SLC36A3: variants seen among roughly 807,000 people sequenced by gnomAD.
SLC36A3 encodes the protein proton-coupled amino acid transporter 3.
In SLC36A3, 35 loss-of-function variants were observed where a neutral mutation model predicts 44.3. That is an observed-to-expected ratio of 0.79 (90% CI 0.60 to 1.05). The LOEUF (loss-of-function observed/expected upper bound fraction) is 1.05, where lower values mean the gene tolerates loss of function less well. SLC36A3 is among the 50% of genes least tolerant of loss of function. SLC36A3 has a pLI of 0.00. For synonymous variants in SLC36A3, 211 were observed against 227.6 expected (o/e 0.93, Z 0.66); for missense variants, 540 against 578.7 (o/e 0.93, Z 0.69).
At chr5:151,297,572 G>C (rs1193447086) in intron 2 of SLC36A3, 1 of 152,262 alleles carries the variant, frequency 6.6e-6, no homozygotes, top group South Asian at 2.1e-4. Flanking sequence ...CTGTGTGCCA[G>C]TCCCTACAGA....
chr5:151,299,394 T>TATATTA (rs58121505), intron 1 of SLC36A3, among the ~76,000 whole-genome samples: 2 of 133,014 alleles, frequency 1.5e-5, no homozygotes, highest in African/African-American at 5.5e-5. Flanking sequence ...TATATATATA[T>TATATTA]TATATATATA....
In SLC36A3 at chr5:151,303,562, C is replaced by T. The variant is rs747113919; in HGVS notation, c.-208G>A. 2.0e-6 allele frequency: 1 copy of T among 493,972 alleles called. No homozygotes were observed. The highest frequency in any genetic ancestry group is 3.6e-5 in the Admixed American group (1 of 27,824). The allele number at this position is 493,972 out of a possible 1,614,324, so 30.6% of individuals were successfully genotyped here. On this transcript the variant is annotated 5_prime_UTR_variant, in exon 1 of 10. Transcript: ENST00000335230. ...CTGATGTTGATGATGCCTCACCTGG[C>T]TCTTGGGGGACTTATGAAAGACCCA...
chr5:151,285,044 C>G (rs1377979212), intron 6 of SLC36A3, among the ~76,000 whole-genome samples: 2 of 152,140 alleles, frequency 1.3e-5, no homozygotes, highest in Non-Finnish European at 2.9e-5. Context: ...AATAATAACG[C>G]CCCACTACCC....
Position 151,288,953 on chromosome 5 carries a change from G to A in SLC36A3, c.405-483C>T, listed in dbSNP as rs866145077. ...AGGCACCTGTAAATCCCAGCTACTC[G>A]GGAGGCTTGGGCAGGAGAATTGCTT... On this transcript the variant is annotated intron_variant, in intron 4 of 9. Coordinates refer to ENST00000335230, the MANE Select transcript of SLC36A3 (RefSeq NM_181774.4). The A allele has an allele frequency of 1.4e-4, 21 of 153,048 alleles. No homozygotes were observed. In the Middle Eastern group the frequency reaches 4.8e-3, roughly 35 times the overall value. The allele number at this position is 153,048 out of a possible 1,614,324, so 9.5% of individuals were successfully genotyped here.
rs1240385500 is a variant in SLC36A3, at chr5:151,287,402, G to A, written c.552C>T (p.Thr184=). Residue 184 remains threonine (T), a synonymous_variant, in exon 6 of 10, where the codon ACC becomes ACT. Transcript: ENST00000335230. ...TGTAGAAACGAATGTCCAGGATGGG[G>A]GTCAGCGTCAGAATCTCCCTGGGCT... ...ICQPREILTL[T]PILDIRFYML... The A allele has an allele frequency of 1.9e-6, 3 of 1,614,040 alleles. No homozygotes were observed. The highest frequency in any genetic ancestry group is 1.7e-5 in the Admixed American group (1 of 60,002).
In SLC36A3 at chr5:151,277,638, G is replaced by T. The variant is rs147738288; in HGVS notation, c.1168C>A (p.Arg390Ser). 6 of 1,613,950 alleles carry T rather than the reference G, an allele frequency of 3.7e-6. No homozygotes were observed. In the Admixed American group the frequency reaches 5.0e-5, roughly 13 times the overall value. The change falls in exon 10 of 10, where the codon CGC (arginine) becomes AGC (serine). Residue 390 changes from arginine (R) to serine (S), a missense_variant. By Grantham distance (110) the Arg-to-Ser change is moderately radical. Transcript: ENST00000335230. Reference sequence around the variant, plus strand: ...ACCAGGGAGATGACCAAGTCCAGGCGGGGGATGAGGATGGCTGAGACACCT... The same window carrying T: ...ACCAGGGAGATGACCAAGTCCAGGCTGGGGATGAGGATGGCTGAGACACCT... ...LTCVSAILIP[R>S]LDLVISLVGS... is the part of the protein sequence containing the mutation.
chr5:151,303,626 T>G lies in SLC36A3; in HGVS notation c.-272A>C. 1.1e-5 allele frequency: 4 copies of G among 355,384 alleles called. No individual in the cohort carries two copies. Among genetic ancestry groups the G allele is most frequent in the Non-Finnish European group, 2.1e-5 (4 of 195,054 alleles). The allele number at this position is 355,384 out of a possible 1,614,324, so 22.0% of individuals were successfully genotyped here. On this transcript the variant is annotated 5_prime_UTR_variant, in exon 1 of 10. Coordinates refer to ENST00000335230, the MANE Select transcript of SLC36A3 (RefSeq NM_181774.4). ...GGTCCTCAGTTTCACTCGCAATTGC[T>G]TGCCCAACCAGGACTTGCCTGGGCT...
chr5:151,277,742 C>A, intron 9 of SLC36A3, 81 bp from the exon 10 acceptor site: 1 of 1,509,620 alleles, frequency 6.6e-7, no homozygotes. Flanking sequence ...ATTTCACAGA[C>A]ACCTGAGAGA....
chr5:151,281,268 A>G, intron 8 of SLC36A3, 85 bp from the exon 9 acceptor site: 2 of 1,366,334 alleles, frequency 1.5e-6, no homozygotes, highest in Non-Finnish European at 2.0e-6. Context: ...AGAAGCTGGT[A>G]TGGGTTGAGT....
At chr5:151,302,129 T>A (rs760587488) in intron 1 of SLC36A3, among the ~76,000 whole-genome samples, 2 of 152,256 alleles carry the variant, frequency 1.3e-5, no homozygotes, top group Non-Finnish European at 2.9e-5. Context: ...CAGTTTTGTG[T>A]GTGTGCACGA....
intron 6 of SLC36A3, among the ~76,000 whole-genome samples, chr5:151,286,874 G>A (rs1754554512): frequency 6.6e-6 from 1 of 152,054 alleles, no homozygotes; most frequent in South Asian, 2.1e-4. Context: ...TTTGATTGAT[G>A]TTTATCTCTC....
chr5:151,284,386 G>T (rs1170993250), intron 7 of SLC36A3, among the ~76,000 whole-genome samples, 176 bp from the exon 8 acceptor site: 1 of 152,138 alleles, frequency 6.6e-6, no homozygotes, highest in Non-Finnish European at 1.5e-5. Context: ...CTATTGTCAG[G>T]AATGCCCTAC....
chr5:151,287,262 A>C lies in SLC36A3; in HGVS notation c.692T>G (p.Phe231Cys). The C allele has an allele frequency of 6.2e-7, 1 of 1,614,128 alleles. No homozygotes were observed. Among genetic ancestry groups the C allele is most frequent in the Non-Finnish European group, 8.5e-7 (1 of 1,180,010 alleles). Residue 231 changes from phenylalanine (F) to cysteine (C), a missense_variant, in exon 6 of 10, where the codon TTT (phenylalanine) becomes TGT (cysteine). Coordinates refer to ENST00000335230, the MANE Select transcript of SLC36A3 (RefSeq NM_181774.4). ...ITTLGSMALIFEYIMEGIPYP... is the reference protein window; with the variant it reads ...ITTLGSMALICEYIMEGIPYP... Reference sequence around the variant, plus strand: ...GGCACAGACCTCCATGATATACTCAAAGATCAGAGCCATGCTCCCAAGGGT... The same window carrying C: ...GGCACAGACCTCCATGATATACTCACAGATCAGAGCCATGCTCCCAAGGGT...
chr5:151,283,255 C>A (rs983758047), intron 8 of SLC36A3, among the ~76,000 whole-genome samples: 1 of 152,102 alleles, frequency 6.6e-6, no homozygotes, highest in Non-Finnish European at 1.5e-5. Context: ...CTGTGAAATA[C>A]CTGTTCTGCC....
In SLC36A3 at chr5:151,277,495, G is replaced by A. The variant is rs746702662; in HGVS notation, c.1311C>T (p.Ile437=). The change falls in exon 10 of 10, where the codon ATC becomes ATT. Residue 437 remains isoleucine (I), a synonymous_variant. Coordinates refer to ENST00000335230, the MANE Select transcript of SLC36A3 (RefSeq NM_181774.4). ...VTIAKDIMIS[I]VGLLGCIFGT... ...CAAATATACACCCTAAAAGGCCCAC[G>A]ATGCTAATCATGATGTCCTTGGCAA... 6 of 1,614,026 alleles carry A rather than the reference G, an allele frequency of 3.7e-6. No homozygotes were observed. The highest frequency in any genetic ancestry group is 3.3e-5 in the South Asian group (3 of 91,084).
chr5:151,297,742 C>T (rs1001699419), intron 2 of SLC36A3: 3 of 152,248 alleles, frequency 2.0e-5, no homozygotes, highest in Non-Finnish European at 4.4e-5. Context: ...ATGGGCCAGT[C>T]ACCTGAGGTC....
intron 2 of SLC36A3, chr5:151,296,539 C>CCAG: frequency 1.0e-5 from 5 of 499,718 alleles, no homozygotes; most frequent in Non-Finnish European, 1.8e-5. Context: ...TCTCATTTTC[C>CCAG]TTGAGTTCTA....
At chr5:151,282,271 C>G (rs1397267528) in intron 8 of SLC36A3, among the ~76,000 whole-genome samples, 2 of 152,028 alleles carry the variant, frequency 1.3e-5, no homozygotes, top group Non-Finnish European at 2.9e-5. Context: ...TGGATTCAAG[C>G]AATTCTCTTG....
intron 8 of SLC36A3, among the ~76,000 whole-genome samples, chr5:151,282,111 G>GTT (rs70976011): frequency 0.026 from 1,470 of 56,130 alleles, 168 homozygotes; most frequent in African/African-American, 0.046. Context: ...CTTTTTCTTT[G>GTT]TTTTTTTTTT....
Sources: allele counts gnomAD v4.1 joint callset (sites outside exome capture counted in the v4.1 genomes callset), GRCh38; gene constraint gnomAD v4.1.1; transcripts MANE v1.5; gene names NCBI Gene and HGNC (gene_info 2026-07-23, HGNC 2026-07-21).